Variants in GATM observed in about 807,000 individuals in gnomAD.
The protein encoded by GATM is glycine amidinotransferase.
In GATM, 23 loss-of-function variants were observed where a neutral mutation model predicts 54.2. The ratio of observed to expected loss-of-function variants is 0.42; its 90% CI spans 0.31 to 0.60. The LOEUF (loss-of-function observed/expected upper bound fraction) is 0.60. Ranked by LOEUF, GATM falls within the 20% of genes least tolerant of loss-of-function variation. The pLI is 0.14. For missense variants in GATM, 401 were observed against 544.9 expected (o/e 0.74, Z 2.63); for synonymous variants, 168 against 183.1 (o/e 0.92, Z 0.67).
intron 3 of GATM, among the ~76,000 whole-genome samples, chr15:45,390,885 C>T (rs1009155411): frequency 4.6e-5 from 7 of 152,174 alleles, no homozygotes; most frequent in Non-Finnish European, 1.0e-4. Context: ...GAGACAGTTC[C>T]AGTCAGAAGT....
chr15:45,376,691 G>A lies in GATM; in HGVS notation c.198C>T (p.Val66=). 1 of 1,614,204 alleles carries A rather than the reference G, an allele frequency of 6.2e-7. No homozygotes were observed. Among genetic ancestry groups the A allele is most frequent in the Admixed American group, 1.7e-5 (1 of 60,020 alleles). ...AGGGGTCCCATTCGTTGTAAGAAGA[G>A]ACAGGGCAGTCCTTGGGCAGAGGCT... The part of the protein sequence containing the change: ...ATEPLPKDCP[V]SSYNEWDPLE... Residue 66 remains valine, a synonymous_variant, in exon 2 of 9, where the codon GTC becomes GTT. Transcript: ENST00000396659.
exon 1 of GATM, chr15:45,402,185 T>C (rs1890028399): frequency 3.7e-6 from 2 of 535,210 alleles, no homozygotes; most frequent in African/African-American, 2.0e-5. Flanking sequence ...ACGAAGACCA[T>C]CTCGGGAAAG....
chr15:45,397,045 G>C (rs1373552193), exon 3 of GATM: 1 of 151,298 alleles, frequency 6.6e-6, no homozygotes, highest in Non-Finnish European at 1.5e-5. Flanking sequence ...TCACGTCTCA[G>C]CTGGAATGTC....
upstream of GATM, chr15:45,378,556 C>T (rs1889687370): frequency 4.3e-6 from 4 of 926,018 alleles, no homozygotes; most frequent in South Asian, 2.5e-5. Context: ...GGCGGGCGCG[C>T]GGGGCCCGAG....
At chr15:45,400,099 G>C (rs1889981067) in intron 1 of GATM, among the ~76,000 whole-genome samples, 1 of 152,180 alleles carries the variant, frequency 6.6e-6, no homozygotes, top group Non-Finnish European at 1.5e-5. Context: ...GTAGGCACCT[G>C]TAATCCCAGC....
chr15:45,365,935 G>T, intron 6 of GATM, 111 bp downstream of exon 6: 1 of 1,009,254 alleles, frequency 9.9e-7, no homozygotes, highest in Non-Finnish European at 1.6e-6. Context: ...GAGTACTGCT[G>T]AATCTGTCAT....
At chr15:45,376,988 A>T (rs533359104) in intron 1 of GATM, 169 bp from the exon 2 acceptor site, 2 of 670,034 alleles carry the variant, frequency 3.0e-6, no homozygotes, top group Middle Eastern at 2.5e-4. Context: ...GGGATTACAG[A>T]TAATTTTTTT....
intron 2 of GATM, among the ~76,000 whole-genome samples, chr15:45,372,839 C>A (rs544396570): frequency 2.0e-5 from 3 of 152,196 alleles, no homozygotes; most frequent in Non-Finnish European, 4.4e-5. Context: ...ATACGTTTTA[C>A]AAGAGATAGC....
At chr15:45,388,896 G>A (rs1010894883) in intron 3 of GATM, among the ~76,000 whole-genome samples, 4 of 152,138 alleles carry the variant, frequency 2.6e-5, no homozygotes, top group Non-Finnish European at 5.9e-5. Flanking sequence ...AAAGGAAGAG[G>A]GGTTTACATA....
rs189735112 is a variant in GATM at position 45,368,696 on chromosome 15, T to C, written c.485-436A>G. ...CTAGAAATACATGTGTGTATATATATATGAAAATAGCAAAAAATTCGAATA... is the reference window on the plus strand; with the variant it reads ...CTAGAAATACATGTGTGTATATATACATGAAAATAGCAAAAAATTCGAATA... On this transcript the variant is annotated intron_variant, in intron 3 of 8. Transcript: ENST00000396659. The surrounding 1 kb of genome is among the most constrained non-coding windows in gnomAD (Gnocchi z 5.1). Among the ~76,000 whole-genome samples, 541 of 151,264 alleles carry C rather than the reference T, an allele frequency of 3.6e-3. 6 individuals are homozygous for C. The highest frequency in any genetic ancestry group is 6.8e-3 in the Middle Eastern group (2 of 294).
chr15:45,366,240 T>C (rs1200691217), intron 5 of GATM, 30 bp from the exon 6 acceptor site: 4 of 1,613,480 alleles, frequency 2.5e-6, no homozygotes, highest in Non-Finnish European at 3.4e-6. Flanking sequence ...ATACGATCGA[T>C]AAATATTTGG....
chr15:45,371,502 T>C (rs904132727), intron 2 of GATM, among the ~76,000 whole-genome samples: 23 of 152,220 alleles, frequency 1.5e-4, no homozygotes, highest in African/African-American at 5.3e-4. Context: ...GGTGTAAAAC[T>C]TGGTAATGGG....
rs766850648 is a variant in GATM at position 45,376,719 on chromosome 15, G to T, written c.170C>A (p.Thr57Asn). Residue 57 changes from threonine to asparagine, a missense_variant, in exon 2 of 9, where the codon ACT (threonine) becomes AAT (asparagine). By Grantham distance (65) the Thr-to-Asn change is moderately conservative (BLOSUM62 0). Transcript: ENST00000396659. ...RNSCAADDKA[T>N]EPLPKDCPVS... The stretch of plus-strand genomic sequence containing the variant: ...AGGGCAGTCCTTGGGCAGAGGCTCA[G>T]TGGCTTTGTCGTCAGCTGCACAGGA... 3.1e-6 allele frequency: 5 copies of T among 1,614,236 alleles called. No individual in the cohort carries two copies. In the Admixed American group the frequency reaches 8.3e-5, roughly 27 times the overall value.
chr15:45,365,022 C>G (rs1889426881), intron 6 of GATM, among the ~76,000 whole-genome samples, 162 bp from the exon 7 acceptor site: 2 of 152,100 alleles, frequency 1.3e-5, no homozygotes, highest in African/African-American at 4.8e-5. Flanking sequence ...GTGATTTTGT[C>G]TGAATCCTAA....
rs779648078 is a variant in GATM, at chr15:45,366,485, T to C, written c.699A>G (p.Glu233=). Reference sequence around the variant, plus strand: ...CCTGAGCAGCCAATTTGTGTCTGTCTTCTACAGAGTGGATGGGATAATCCT... The same window carrying C: ...CCTGAGCAGCCAATTTGTGTCTGTCCTCTACAGAGTGGATGGGATAATCCT... ...YNQDYPIHSV[E]DRHKLAAQGK... is the part of the protein sequence containing the mutation. Residue 233 remains glutamate, a synonymous_variant, in exon 5 of 9, where the codon GAA becomes GAG. Transcript: ENST00000396659. 2.5e-6 allele frequency: 4 copies of C among 1,614,092 alleles called. No homozygotes were observed. In the South Asian group the frequency reaches 4.4e-5, roughly 18 times the overall value.
intron 3 of GATM, among the ~76,000 whole-genome samples, chr15:45,392,738 T>C (rs1446012053): frequency 1.3e-5 from 2 of 152,250 alleles, no homozygotes; most frequent in Non-Finnish European, 2.9e-5. Flanking sequence ...CCAAATGTAC[T>C]TCATGTTCCT....
intron 2 of GATM, among the ~76,000 whole-genome samples, chr15:45,398,764 T>A (rs900377858): frequency 6.6e-6 from 1 of 152,204 alleles, no homozygotes; most frequent in Non-Finnish European, 1.5e-5. Flanking sequence ...TATATTAGGG[T>A]TGAACATAAC....
intron 1 of GATM, chr15:45,377,201 T>G (rs932972564): frequency 2.1e-6 from 1 of 472,070 alleles, no homozygotes; most frequent in Non-Finnish European, 4.2e-6. Flanking sequence ...CTCTAAAACT[T>G]CCCGCCAGTC....
intron 3 of GATM, among the ~76,000 whole-genome samples, chr15:45,389,697 G>T (rs1889846318): frequency 1.3e-5 from 2 of 152,186 alleles, no homozygotes; most frequent in South Asian, 4.1e-4. Flanking sequence ...TCTTGGAGTA[G>T]TGGTACAGAA....
Sources: allele counts gnomAD v4.1 joint callset (sites outside exome capture counted in the v4.1 genomes callset), GRCh38; gene constraint gnomAD v4.1.1; non-coding constraint Gnocchi (gnomAD v3.1); transcripts MANE v1.5; gene names NCBI Gene and HGNC (gene_info 2026-07-23, HGNC 2026-07-21).